ATP11A: variants seen among roughly 807,000 people sequenced by gnomAD.
ATP11A encodes ATPase phospholipid transporting 11A.
ATP11A carries 81 observed loss-of-function variants against 154.4 expected under a neutral mutation model. The observed-to-expected ratio is 0.52, with a 90% CI of 0.44 to 0.63. ATP11A has a LOEUF of 0.63. Among genes scored for constraint, ATP11A ranks in the 30% least tolerant of loss-of-function variants. The probability of loss-of-function intolerance (pLI) is 0.00; values close to 1 mark genes in which losing one functional copy is unlikely to be tolerated. For synonymous variants in ATP11A, 623 were observed against 585.9 expected (o/e 1.06, Z -0.91); for missense variants, 1,316 against 1,474.3 (o/e 0.89, Z 1.76).
chr13:112,823,210 A>T, intron 8 of ATP11A, 135 bp from the exon 9 acceptor site: 1 of 702,116 alleles, frequency 1.4e-6, no homozygotes, highest in Non-Finnish European at 2.5e-6. Context: ...AATATAAGCA[A>T]ACCTCCGTGT....
In ATP11A at chr13:112,807,749, G is replaced by A. The variant is rs1481762635; in HGVS notation, c.333+1456G>A. On this transcript the variant is annotated intron_variant, in intron 4 of 29. Coordinates refer to ENST00000375645, the MANE Select transcript of ATP11A (RefSeq NM_015205.3). This position sits in a 1 kb window ranked among gnomAD's most constrained non-coding sequence, Gnocchi z 4.5. Reference sequence around the variant, plus strand: ...AACCCATCGTGGAGATTAGGTGAGGGCGTCCCGTGCTATCTGTGATACATC... The same window carrying A: ...AACCCATCGTGGAGATTAGGTGAGGACGTCCCGTGCTATCTGTGATACATC... Among the ~76,000 whole-genome samples, 1 of 152,064 alleles carries A rather than the reference G, an allele frequency of 6.6e-6. No homozygotes were observed. Among genetic ancestry groups the A allele is most frequent in the Non-Finnish European group, 1.5e-5 (1 of 68,002 alleles).
intron 7 of ATP11A, 81 bp downstream of exon 7, chr13:112,819,488 A>G: frequency 8.3e-7 from 1 of 1,200,210 alleles, no homozygotes; most frequent in Non-Finnish European, 1.2e-6. Context: ...CAAGTAGTCC[A>G]GCCATGTGGT....
chr13:112,755,273 A>C (rs1313269721), intron 1 of ATP11A, among the ~76,000 whole-genome samples: 1 of 152,146 alleles, frequency 6.6e-6, no homozygotes, highest in African/African-American at 2.4e-5. Flanking sequence ...CACAGGTCAG[A>C]GGTCGCTGGG....
At position 112,846,114 on chromosome 13, in the gene ATP11A, A is replaced by C. The variant is rs118096477; in HGVS notation, c.1809+3735A>C. ...AGCTTCCCTTTTCTGGCTGCTTTTG[A>C]GGTGTTTCGTGATGGGATGCCTTGG... is the stretch of plus-strand genomic sequence containing the variant. On this transcript the variant is annotated intron_variant, in intron 17 of 29. Transcript: ENST00000375645. 1.1e-3 allele frequency among the ~76,000 whole-genome samples: 172 copies of C among 151,916 alleles called. 1 individual carries two copies. The East Asian group carries it at 0.027, about 24-fold the overall frequency.
chr13:112,818,152 C>T (rs1053955251), intron 6 of ATP11A, among the ~76,000 whole-genome samples: 5 of 149,942 alleles, frequency 3.3e-5, no homozygotes, highest in African/African-American at 7.4e-5. Flanking sequence ...CGGCGGTGAC[C>T]GTGTGTGCGC....
chr13:112,767,444 C>G (rs548688176), intron 1 of ATP11A, among the ~76,000 whole-genome samples: 2 of 89,694 alleles, frequency 2.2e-5, no homozygotes, highest in Non-Finnish European at 4.3e-5. Context: ...GTTGGGGGCC[C>G]CTGTGGGAAG....
intron 2 of ATP11A, among the ~76,000 whole-genome samples, chr13:112,800,415 T>C (rs2078103000): frequency 6.6e-6 from 1 of 152,158 alleles, no homozygotes; most frequent in African/African-American, 2.4e-5. Context: ...GGCCAGTTTC[T>C]TGAAAAACGC....
chr13:112,882,845 C>A lies in ATP11A; in HGVS notation c.*979C>A. 2.5e-6 allele frequency: 1 copy of A among 399,032 alleles called. No individual in the cohort carries two copies. 24.7% of individuals were successfully genotyped at this position (399,032 alleles called of 1,614,324 possible). ...GTGATGAGCAGACATCCTCTGTCCCCGTGGAGGGGTCAACACCAAGGTGGT... is the reference window on the plus strand; with the variant it reads ...GTGATGAGCAGACATCCTCTGTCCCAGTGGAGGGGTCAACACCAAGGTGGT... On this transcript the variant is annotated 3_prime_UTR_variant, in exon 30 of 30. Transcript: ENST00000375645. This position sits in a 1 kb window ranked among gnomAD's most constrained non-coding sequence, Gnocchi z 5.1.
Position 112,710,988 on chromosome 13 carries a change from T to TGTTTGAAGCA in ATP11A, c.39+20535_39+20544dup, listed in dbSNP as rs1887677463. Among the ~76,000 whole-genome samples, 7 of 5,550 alleles carry TGTTTGAAGCA rather than the reference T, an allele frequency of 1.3e-3. No homozygotes were observed. The Admixed American group carries it at 0.028, about 22-fold the overall frequency. 3.6% of individuals were successfully genotyped at this position (5,550 alleles called of 152,430 possible). On this transcript the variant is annotated intron_variant, in intron 1 of 29. Coordinates refer to ENST00000375645, the MANE Select transcript of ATP11A (RefSeq NM_015205.3). ...AGCCACCCACCCACCCACCCACCGC[T>TGTTTGAAGCA]GTTTGAAGCAGGGACTCGGTTCTCA...
intron 5 of ATP11A, among the ~76,000 whole-genome samples, chr13:112,812,492 G>T (rs1455578962): frequency 6.6e-6 from 1 of 152,192 alleles, no homozygotes; most frequent in Non-Finnish European, 1.5e-5. Context: ...CGTTCCAGAA[G>T]CCTGGAGGGA....
At chr13:112,843,257 C>T (rs1294757012) in intron 17 of ATP11A, among the ~76,000 whole-genome samples, 3 of 151,526 alleles carry the variant, frequency 2.0e-5, no homozygotes, top group Admixed American at 6.6e-5. Flanking sequence ...TCCTGTCAGA[C>T]GTCCTAAAGC....
chr13:112,701,042 C>T (rs975654652), intron 1 of ATP11A, among the ~76,000 whole-genome samples: 5 of 152,212 alleles, frequency 3.3e-5, no homozygotes, highest in South Asian at 2.1e-4. Context: ...CAGGTCGCTG[C>T]GGCCCTTTCA....
rs2079908822 is a variant in ATP11A at position 112,855,924 on chromosome 13, A to G, written c.2257A>G (p.Met753Val). ...GTACTCTAACAGACTTTCAGCAGAT[A>G]TGCAGGACTACGGTTTAATTATCGA... The part of the protein sequence containing the change: ...RDNLSGLSAD[M>V]QDYGLIIDGA... The change falls in exon 20 of 30, where the codon ATG becomes GTG. Residue 753 changes from methionine to valine, a missense_variant. Met to Val is a conservative substitution (Grantham distance 21). Transcript: ENST00000375645. 1.9e-6 allele frequency: 3 copies of G among 1,612,078 alleles called. No homozygotes were observed. Among genetic ancestry groups the G allele is most frequent in the Non-Finnish European group, 2.5e-6 (3 of 1,178,682 alleles).
intron 1 of ATP11A, among the ~76,000 whole-genome samples, chr13:112,779,131 CTGG>C: frequency 2.6e-5 from 1 of 38,742 alleles, no homozygotes; most frequent in South Asian, 7.7e-4. Flanking sequence ...TGAGTAGCCG[CTGG>C]AGTGAGTAGC....
intron 1 of ATP11A, among the ~76,000 whole-genome samples, chr13:112,739,003 T>TA (rs541647189): frequency 1.5e-3 from 228 of 152,322 alleles, no homozygotes; most frequent in Non-Finnish European, 2.5e-3. Context: ...ACTTAGGACT[T>TA]ACTTTATTGA....
rs551820190 is a variant in ATP11A, at chr13:112,809,098, T to C, written c.334-1521T>C. On this transcript the variant is annotated intron_variant, in intron 4 of 29. Coordinates refer to ENST00000375645, the MANE Select transcript of ATP11A (RefSeq NM_015205.3). The stretch of plus-strand genomic sequence containing the variant: ...GCAGCTCTGGGGACAAGGTCTTTCG[T>C]CTGTGGGCCCCTGGTGCCTGGCACT... Among the ~76,000 whole-genome samples, 6 of 152,326 alleles carry C rather than the reference T, an allele frequency of 3.9e-5. No individual in the cohort carries two copies. The East Asian group carries it at 1.2e-3, about 29-fold the overall frequency.
In ATP11A at chr13:112,807,741, A is replaced by C. The variant is rs1304017090; in HGVS notation, c.333+1448A>C. ...TTTCCAGGAACCCATCGTGGAGATT[A>C]GGTGAGGGCGTCCCGTGCTATCTGT... On this transcript the variant is annotated intron_variant, in intron 4 of 29. Transcript: ENST00000375645. The surrounding 1 kb of genome is among the most constrained non-coding windows in gnomAD (Gnocchi z 4.5). Among the ~76,000 whole-genome samples the C allele has an allele frequency of 6.6e-6, 1 of 152,038 alleles. No individual in the cohort carries two copies. The highest frequency in any genetic ancestry group is 2.4e-5 in the African/African-American group (1 of 41,378).
At chr13:112,873,425 A>AAT (rs2080606936) in intron 26 of ATP11A, 148 bp from the exon 27 acceptor site, 1 of 592,094 alleles carries the variant, frequency 1.7e-6, no homozygotes, top group African/African-American at 1.9e-5. Flanking sequence ...TGTCTTCCTG[A>AAT]GCCGTGTTTT....
intron 1 of ATP11A, among the ~76,000 whole-genome samples, chr13:112,783,795 G>A (rs908916071): frequency 1.3e-5 from 2 of 152,236 alleles, no homozygotes; most frequent in East Asian, 3.8e-4. Context: ...AAGTATTTTT[G>A]TGGTTTTAGT....
Sources: allele counts gnomAD v4.1 joint callset (sites outside exome capture counted in the v4.1 genomes callset), GRCh38; gene constraint gnomAD v4.1.1; non-coding constraint Gnocchi (gnomAD v3.1); transcripts MANE v1.5; gene names NCBI Gene and HGNC (gene_info 2026-07-23, HGNC 2026-07-21).